TEX14: variants seen among roughly 807,000 people sequenced by gnomAD.
The protein encoded by TEX14 is inactive serine/threonine-protein kinase TEX14.
Under a neutral mutation model 178.6 loss-of-function variants are expected in TEX14, and 168 were observed. That is an observed-to-expected ratio of 0.94 (90% CI 0.83 to 1.07). The LOEUF is 1.07. Ranked by LOEUF, TEX14 falls within the 50% of genes least tolerant of loss-of-function variation. The probability of loss-of-function intolerance (pLI) is 0.00; values close to 1 mark genes in which losing one functional copy is unlikely to be tolerated. For synonymous variants in TEX14, 626 were observed against 634.1 expected (o/e 0.99, Z 0.19); for missense variants, 1,730 against 1,753.6 (o/e 0.99, Z 0.24).
intron 1 of TEX14, among the ~76,000 whole-genome samples, chr17:58,685,430 G>A (rs1293023110): frequency 2.5e-4 from 37 of 148,424 alleles, no homozygotes; most frequent in Admixed American, 1.6e-3. Context: ...AGTAAGACTC[G>A]GTGTCAAAAA....
At chr17:58,679,594 A>T (rs2047462979) in intron 1 of TEX14, 1 of 152,272 alleles carries the variant, frequency 6.6e-6, no homozygotes, top group Admixed American at 6.6e-5. Flanking sequence ...ATTTGTAGAA[A>T]ACCACAGGGG....
At position 58,569,181 on chromosome 17, in the gene TEX14, A is replaced by T; in HGVS notation, c.3886+11T>A. 1 of 1,610,528 alleles carries T rather than the reference A, an allele frequency of 6.2e-7. No individual in the cohort carries two copies. Among genetic ancestry groups the T allele is most frequent in the Non-Finnish European group, 8.5e-7 (1 of 1,176,702 alleles). On this transcript the variant is annotated intron_variant, in intron 26 of 31. Transcript: ENST00000349033. This position sits in a 1 kb window ranked among gnomAD's most constrained non-coding sequence, Gnocchi z 4.1. ...GGCCGAGAAGTATATTCTGTATTGAACATCTCTTACCAATGTCATCAAGTA... is the reference window on the plus strand; with the variant it reads ...GGCCGAGAAGTATATTCTGTATTGATCATCTCTTACCAATGTCATCAAGTA...
intron 1 of TEX14, among the ~76,000 whole-genome samples, chr17:58,669,277 A>C (rs1477544950): frequency 6.6e-6 from 1 of 150,990 alleles, no homozygotes; most frequent in African/African-American, 2.4e-5. Flanking sequence ...GCTTGAACCC[A>C]GGAGGCAGAG....
chr17:58,613,578 T>C (rs756856263), intron 8 of TEX14, 34 bp from the exon 9 acceptor site: 120 of 1,610,402 alleles, frequency 7.5e-5, no homozygotes, highest in Non-Finnish European at 9.8e-5. Context: ...ATAAGGCAGG[T>C]GAGAGGAGGA....
intron 14 of TEX14, 142 bp from the exon 15 acceptor site, chr17:58,593,803 C>G (rs1326478085): frequency 2.9e-6 from 2 of 684,996 alleles, no homozygotes; most frequent in South Asian, 3.8e-5. Flanking sequence ...TGTTTCCTAT[C>G]TGCTAACCCA....
At chr17:58,638,392 T>C (rs780154533) in intron 2 of TEX14, among the ~76,000 whole-genome samples, 13 of 152,276 alleles carry the variant, frequency 8.5e-5, no homozygotes, top group Admixed American at 2.0e-4. Context: ...TAGCACAATT[T>C]GCAATTGCAA....
At chr17:58,679,665 T>C (rs1283365892) in intron 1 of TEX14, 2 of 152,202 alleles carry the variant, frequency 1.3e-5, no homozygotes, top group Non-Finnish European at 2.9e-5. Flanking sequence ...TTAATGATCA[T>C]GTTATTTCCC....
chr17:58,679,892 G>A (rs1182726259), intron 1 of TEX14, among the ~76,000 whole-genome samples: 1 of 152,122 alleles, frequency 6.6e-6, no homozygotes, highest in Non-Finnish European at 1.5e-5. Context: ...ATAGCCAGCA[G>A]TCACTGCGCT....
At position 58,601,868 on chromosome 17, in the gene TEX14, C is replaced by T. The variant is rs116322319; in HGVS notation, c.1616G>A (p.Gly539Glu). 9.3e-6 allele frequency: 15 copies of T among 1,613,244 alleles called. No individual in the cohort carries two copies. Among genetic ancestry groups the T allele is most frequent in the Middle Eastern group, 1.8e-4 (1 of 5,538 alleles). Residue 539 changes from glycine (G) to glutamate (E), a missense_variant, in exon 13 of 32, where the codon GGA (glycine) becomes GAA (glutamate). Gly to Glu is a moderately conservative substitution (Grantham distance 98). Coordinates refer to ENST00000349033, the MANE Select transcript of TEX14 (RefSeq NM_031272.5). Reference protein sequence around the residue: ...GLHPDVNVYLGLTSEHPRETP... With the variant: ...GLHPDVNVYLELTSEHPRETP... The stretch of plus-strand genomic sequence containing the variant: ...CTCTCTGGGGTGTTCTGAAGTCAGT[C>T]CTAGATAGACATTGACATCGGGATG...
At chr17:58,574,385 T>A in intron 21 of TEX14, 136 bp from the exon 22 acceptor site, 1 of 663,506 alleles carries the variant, frequency 1.5e-6, no homozygotes, top group Non-Finnish European at 2.6e-6. Flanking sequence ...GAGTAGAAAG[T>A]GTGAGTTCTG....
At chr17:58,583,073 C>T (rs903789893) in intron 19 of TEX14, among the ~76,000 whole-genome samples, 1 of 150,184 alleles carries the variant, frequency 6.7e-6, no homozygotes, top group Admixed American at 6.6e-5. Flanking sequence ...TGGGCTCAAG[C>T]GATCCTCCTG....
intron 2 of TEX14, among the ~76,000 whole-genome samples, chr17:58,647,797 C>T (rs1007875395): frequency 2.0e-5 from 3 of 151,896 alleles, no homozygotes; most frequent in Non-Finnish European, 4.4e-5. Context: ...GAAGTTCAAG[C>T]GATTCTCCTC....
chr17:58,643,423 C>T (rs2046618588), intron 2 of TEX14, among the ~76,000 whole-genome samples: 1 of 152,098 alleles, frequency 6.6e-6, no homozygotes, highest in Non-Finnish European at 1.5e-5. Flanking sequence ...TCCTCCCAAA[C>T]GTATTTCTCT....
In TEX14 at chr17:58,569,901, TAAGGA is replaced by T. The variant is rs904394895; in HGVS notation, c.3817+479_3817+483del. Among the ~76,000 whole-genome samples the T allele has an allele frequency of 3.5e-4, 54 of 152,228 alleles. No homozygotes were observed. The highest frequency in any genetic ancestry group is 1.1e-3 in the Admixed American group (17 of 15,280). On this transcript the variant is annotated intron_variant, in intron 25 of 31. Transcript: ENST00000349033. This position sits in a 1 kb window ranked among gnomAD's most constrained non-coding sequence, Gnocchi z 4.1. ...GAAACTGTCTTCTAAGAATCTATCCTAAGGAAAGGATCAGAGGTACAGATAAAAAT... is the reference window on the plus strand; with the variant it reads ...GAAACTGTCTTCTAAGAATCTATCCTAAGGATCAGAGGTACAGATAAAAAT...
intron 15 of TEX14, 80 bp downstream of exon 15, chr17:58,593,475 A>C (rs1182174700): frequency 1.9e-6 from 2 of 1,071,702 alleles, no homozygotes; most frequent in Non-Finnish European, 2.9e-6. Context: ...ACTAGACATA[A>C]GAAGATCACT....
intron 22 of TEX14, 67 bp downstream of exon 22, chr17:58,574,120 A>C (rs1167853173): frequency 1.6e-6 from 2 of 1,256,064 alleles, no homozygotes; most frequent in African/African-American, 3.0e-5. Flanking sequence ...ACAAACAAGA[A>C]TATACTATTC....
intron 20 of TEX14, among the ~76,000 whole-genome samples, chr17:58,578,090 T>C (rs997095998): frequency 1.3e-5 from 2 of 151,998 alleles, no homozygotes; most frequent in African/African-American, 4.8e-5. Flanking sequence ...AGATGGAGCA[T>C]CCAGCCCTGT....
intron 18 of TEX14, among the ~76,000 whole-genome samples, chr17:58,585,506 A>G (rs1335523253): frequency 6.6e-6 from 1 of 151,756 alleles, no homozygotes; most frequent in Non-Finnish European, 1.5e-5. Context: ...CAGTTTCATG[A>G]TCACAGCTCA....
chr17:58,666,046 CAA>C (rs71395178), intron 1 of TEX14, among the ~76,000 whole-genome samples: 17 of 99,044 alleles, frequency 1.7e-4, no homozygotes, highest in Admixed American at 3.2e-4. Context: ...GACTCTGTCT[CAA>C]AAAAAAAAAA....
Sources: allele counts gnomAD v4.1 joint callset (sites outside exome capture counted in the v4.1 genomes callset), GRCh38; gene constraint gnomAD v4.1.1; non-coding constraint Gnocchi (gnomAD v3.1); transcripts MANE v1.5; gene names NCBI Gene and HGNC (gene_info 2026-07-23, HGNC 2026-07-21).